The following SEMA3E variants were observed in gnomAD, a reference collection of about 807,000 sequenced individuals.
SEMA3E encodes semaphorin-3E.
In SEMA3E, 49 loss-of-function variants were observed where a neutral mutation model predicts 93.6. The ratio of observed to expected loss-of-function variants is 0.52; its 90% CI spans 0.42 to 0.66. The LOEUF is 0.66. Ranked by LOEUF, SEMA3E falls within the 30% of genes least tolerant of loss-of-function variation. SEMA3E has a pLI of 0.00. For synonymous variants in SEMA3E, 363 were observed against 330.7 expected (o/e 1.10, Z -1.06); for missense variants, 906 against 964.8 (o/e 0.94, Z 0.81).
At chr7:83,615,464 A>T (rs1051721459) in intron 1 of SEMA3E, among the ~76,000 whole-genome samples, 17 of 152,124 alleles carry the variant, frequency 1.1e-4, no homozygotes, top group Non-Finnish European at 2.2e-4. Context: ...ACCCAGAGGA[A>T]AAAATAGGCT....
At chr7:83,600,997 G>A (rs1792984088) in intron 1 of SEMA3E, among the ~76,000 whole-genome samples, 1 of 152,158 alleles carries the variant, frequency 6.6e-6, no homozygotes, top group Non-Finnish European at 1.5e-5. Flanking sequence ...CATTATCTGG[G>A]TGAAACCAAT....
chr7:83,632,271 G>A (rs537253780), intron 1 of SEMA3E, among the ~76,000 whole-genome samples: 3 of 152,150 alleles, frequency 2.0e-5, no homozygotes, highest in Middle Eastern at 3.4e-3. Context: ...TAGCAAACAG[G>A]AGAATAACCA....
chr7:83,611,576 C>G (rs902339775), intron 1 of SEMA3E, among the ~76,000 whole-genome samples: 1 of 151,308 alleles, frequency 6.6e-6, no homozygotes, highest in Non-Finnish European at 1.5e-5. Flanking sequence ...AATCTTCCAG[C>G]TGTTCAGGCC....
intron 1 of SEMA3E, among the ~76,000 whole-genome samples, chr7:83,647,298 A>G (rs939631766): frequency 1.3e-5 from 2 of 152,164 alleles, no homozygotes; most frequent in Admixed American, 1.3e-4. Context: ...CGTGTCACAT[A>G]AAATTGAGGA....
intron 4 of SEMA3E, among the ~76,000 whole-genome samples, chr7:83,462,340 TC>T (rs1222015620): frequency 6.6e-6 from 1 of 152,124 alleles, no homozygotes; most frequent in African/African-American, 2.4e-5. Flanking sequence ...TTCTTAAAAC[TC>T]CCCAACTCTG....
chr7:83,524,638 T>G (rs1791117149), intron 1 of SEMA3E, among the ~76,000 whole-genome samples: 1 of 152,186 alleles, frequency 6.6e-6, no homozygotes, highest in African/African-American at 2.4e-5. Flanking sequence ...AAGTTATACA[T>G]GATATAAATA....
chr7:83,645,285 A>C (rs1794064947), intron 1 of SEMA3E, among the ~76,000 whole-genome samples: 1 of 151,956 alleles, frequency 6.6e-6, no homozygotes, highest in Non-Finnish European at 1.5e-5. Flanking sequence ...AAGAATATTA[A>C]AATTTTGCAT....
chr7:83,376,183 G>C (rs1036550627), intron 16 of SEMA3E, among the ~76,000 whole-genome samples: 1 of 151,778 alleles, frequency 6.6e-6, no homozygotes, highest in African/African-American at 2.4e-5. Context: ...AATATTAATG[G>C]GGAACAAAAA....
intron 4 of SEMA3E, among the ~76,000 whole-genome samples, chr7:83,424,215 T>G (rs12707583): frequency 0.025 from 3,766 of 152,268 alleles, 73 homozygotes; most frequent in South Asian, 0.09. Flanking sequence ...TTCTCAAGTT[T>G]GAAGAATATT....
chr7:83,562,310 C>G (rs915399516), intron 1 of SEMA3E, among the ~76,000 whole-genome samples: 3 of 151,624 alleles, frequency 2.0e-5, no homozygotes. Flanking sequence ...TGATATTTTC[C>G]AAAACTGACT....
At chr7:83,424,117 G>C (rs2115717769) in intron 4 of SEMA3E, among the ~76,000 whole-genome samples, 1 of 152,200 alleles carries the variant, frequency 6.6e-6, no homozygotes, top group African/African-American at 2.4e-5. Flanking sequence ...TTTTATCAGT[G>C]CATAACAATA....
intron 1 of SEMA3E, among the ~76,000 whole-genome samples, chr7:83,648,084 A>C (rs772202936): frequency 2.6e-5 from 4 of 152,166 alleles, no homozygotes; most frequent in Non-Finnish European, 5.9e-5. Flanking sequence ...TCTACTGTTA[A>C]CTTGGTGGAT....
chr7:83,441,525 T>A (rs1789114560), intron 4 of SEMA3E, among the ~76,000 whole-genome samples: 2 of 152,230 alleles, frequency 1.3e-5, no homozygotes. Context: ...ATGCTGCTGC[T>A]GCAGCTGGGT....
rs111768284 is a variant in SEMA3E, at chr7:83,503,182, C to T, written c.116-12908G>A. On this transcript the variant is annotated intron_variant, in intron 1 of 16. Coordinates refer to ENST00000643230, the MANE Select transcript of SEMA3E (RefSeq NM_012431.3). The stretch of plus-strand genomic sequence containing the variant: ...AGGAAATTTCACAATTACATGATTA[C>T]TGTGATCAGTGTAAACAGCTACTGC... Among the ~76,000 whole-genome samples, 778 of 152,124 alleles carry T rather than the reference C, an allele frequency of 5.1e-3. 12 individuals carry two copies. Among genetic ancestry groups the T allele is most frequent in the African/African-American group, 0.018 (746 of 41,528 alleles).
chr7:83,425,260 T>C (rs574273144), intron 4 of SEMA3E, among the ~76,000 whole-genome samples: 1 of 152,266 alleles, frequency 6.6e-6, no homozygotes, highest in African/African-American at 2.4e-5. Context: ...AAACTAAGCC[T>C]GGAACTAGAA....
At chr7:83,494,063 G>A (rs1468882500) in intron 1 of SEMA3E, among the ~76,000 whole-genome samples, 4 of 151,478 alleles carry the variant, frequency 2.6e-5, no homozygotes, top group Non-Finnish European at 5.9e-5. Flanking sequence ...TGATTAATTT[G>A]CCTCTTTCCA....
rs1049963896 is a variant in SEMA3E at position 83,528,434 on chromosome 7, A to G, written c.116-38160T>C. On this transcript the variant is annotated intron_variant, in intron 1 of 16. Coordinates refer to ENST00000643230, the MANE Select transcript of SEMA3E (RefSeq NM_012431.3). ...TAAGACTAGCTGGGATTTATGAGAG[A>G]TCAGACCATGAAAATCGTTCAAGTA... Among the ~76,000 whole-genome samples, 18 of 152,148 alleles carry G rather than the reference A, an allele frequency of 1.2e-4. 1 individual carries two copies. The highest frequency in any genetic ancestry group is 3.9e-4 in the African/African-American group (16 of 41,452).
In SEMA3E at chr7:83,363,884, T is replaced by TTTTTTTTTTTTTTTTTTTTTTTTTTTTC. The variant is rs1794624068; in HGVS notation, c.*3701_*3702insGAAAAAAAAAAAAAAAAAAAAAAAAAAA. ...CATTTTTTTTTTTTTTTTTTTTTTTTTTTTTTTTTTTTTTTTTTTTTGAGA... is the reference window on the plus strand; with the variant it reads ...CATTTTTTTTTTTTTTTTTTTTTTTTTTTTTTTTTTTTTTTTTTTTTTTTTTTCTTTTTTTTTTTTTTTTTTTTTGAGA... On this transcript the variant is annotated 3_prime_UTR_variant, in exon 17 of 17. Transcript: ENST00000643230. The TTTTTTTTTTTTTTTTTTTTTTTTTTTTC allele has an allele frequency of 2.0e-5, 2 of 101,072 alleles. No homozygotes were observed. The highest frequency in any genetic ancestry group is 8.4e-5 in the African/African-American group (2 of 23,836). The allele number at this position is 101,072 out of a possible 1,614,324, so 6.3% of individuals were successfully genotyped here. A position where few individuals can be genotyped will look rare whatever the true frequency, so the allele number is the denominator to read the frequency against.
At chr7:83,370,742 G>T (rs757752388) in intron 16 of SEMA3E, among the ~76,000 whole-genome samples, 3 of 151,824 alleles carry the variant, frequency 2.0e-5, no homozygotes, top group Non-Finnish European at 4.4e-5. Flanking sequence ...CCTTCGTTTC[G>T]CCTGTTAACC....
Sources: allele counts gnomAD v4.1 joint callset (sites outside exome capture counted in the v4.1 genomes callset), GRCh38; gene constraint gnomAD v4.1.1; transcripts MANE v1.5; gene names NCBI Gene and HGNC (gene_info 2026-07-23, HGNC 2026-07-21).